Variants in ANK2 observed in about 807,000 individuals in gnomAD.
ANK2 encodes ankyrin 2.
Under a neutral mutation model 360.5 loss-of-function variants are expected in ANK2, and 83 were observed. That is an observed-to-expected ratio of 0.23 (90% CI 0.19 to 0.28). The LOEUF (loss-of-function observed/expected upper bound fraction) is 0.28. Among genes scored for constraint, ANK2 ranks in the 10% least tolerant of loss-of-function variants. The probability of loss-of-function intolerance (pLI) is 1.00; values close to 1 mark genes in which losing one functional copy is unlikely to be tolerated. For missense variants in ANK2, 4,201 were observed against 4,795.7 expected (o/e 0.88, Z 3.66); for synonymous variants, 1,740 against 1,759.5 (o/e 0.99, Z 0.28).
chr4:112,958,845 A>ATTTCGT (rs1561288445), intron 2 of ANK2, among the ~76,000 whole-genome samples: 3 of 149,906 alleles, frequency 2.0e-5, no homozygotes, highest in African/African-American at 7.4e-5. Context: ...ACAAGAGAAG[A>ATTTCGT]TTTCTTTTTC....
At chr4:112,941,324 A>G (rs914214770) in intron 2 of ANK2, among the ~76,000 whole-genome samples, 1 of 146,902 alleles carries the variant, frequency 6.8e-6, no homozygotes. Flanking sequence ...TAAAAGATAT[A>G]TAAATATACT....
chr4:112,840,502 T>C (rs559365510), intron 1 of ANK2, among the ~76,000 whole-genome samples: 1 of 152,160 alleles, frequency 6.6e-6, no homozygotes, highest in South Asian at 2.1e-4. Context: ...CTGGGTTAGG[T>C]TGGGAGTGCT....
intron 40 of ANK2, among the ~76,000 whole-genome samples, chr4:113,364,337 A>G (rs1720850132): frequency 1.3e-5 from 2 of 152,204 alleles, no homozygotes; most frequent in African/African-American, 4.8e-5. Flanking sequence ...GAATCTATCA[A>G]TGATGTTGAG....
Position 113,183,665 on chromosome 4 carries a change from A to G in ANK2, c.186+9148A>G, listed in dbSNP as rs113508845. Among the ~76,000 whole-genome samples the G allele has an allele frequency of 1.5e-3, 235 of 152,210 alleles. 1 individual carries two copies. Among genetic ancestry groups the G allele is most frequent in the African/African-American group, 5.3e-3 (220 of 41,522 alleles). On this transcript the variant is annotated intron_variant, in intron 2 of 45. Transcript: ENST00000357077. ...TAGCAAGAGAGTAAGTGCTGTTCAG[A>G]GGGTTGGATGCTTAAAATTGAAATA...
At chr4:113,086,261 T>G (rs2084701992) in intron 1 of ANK2, among the ~76,000 whole-genome samples, 1 of 152,236 alleles carries the variant, frequency 6.6e-6, no homozygotes, top group Admixed American at 6.5e-5. Context: ...CACTCACATC[T>G]GCAAGATTCC....
At chr4:112,755,831 T>G in the ANK2 span, 1 of 156,588 alleles carries the variant, frequency 6.4e-6, no homozygotes, top group Admixed American at 6.5e-5. Context: ...GCAAGTCAAG[T>G]GAAGCAGTGG....
intron 2 of ANK2, among the ~76,000 whole-genome samples, chr4:113,002,882 C>T (rs1488909873): frequency 6.6e-6 from 1 of 152,192 alleles, no homozygotes; most frequent in African/African-American, 2.4e-5. Context: ...CACCAAATCA[C>T]CTCTTTCTCT....
At chr4:113,259,130 C>CGGATTT (rs2051154019) in intron 13 of ANK2, among the ~76,000 whole-genome samples, 1 of 152,144 alleles carries the variant, frequency 6.6e-6, no homozygotes, top group East Asian at 1.9e-4. Context: ...TTGTATATCT[C>CGGATTT]TCATTTTCTT....
chr4:112,793,251 A>G, the ANK2 span, among the ~76,000 whole-genome samples: 2 of 152,198 alleles, frequency 1.3e-5, no homozygotes, highest in East Asian at 3.8e-4. Context: ...TTAGATTGCT[A>G]CATGCACCTA....
At chr4:113,102,920 G>A (rs1171875896) in intron 1 of ANK2, among the ~76,000 whole-genome samples, 2 of 151,926 alleles carry the variant, frequency 1.3e-5, no homozygotes, top group Non-Finnish European at 2.9e-5. Context: ...TCCTCACTTT[G>A]GGCCAATAGA....
chr4:113,196,522 A>T, intron 3 of ANK2, 56 bp downstream of exon 3: 1 of 1,417,552 alleles, frequency 7.1e-7, no homozygotes, highest in Non-Finnish European at 9.8e-7. Context: ...AATAATTTAA[A>T]GCTTTTCATT....
intron 2 of ANK2, among the ~76,000 whole-genome samples, chr4:112,986,858 C>G (rs757572147): frequency 6.6e-6 from 1 of 152,184 alleles, no homozygotes; most frequent in Admixed American, 6.5e-5. Context: ...TCTATGTTCA[C>G]ATTTCACTTA....
chr4:112,850,716 C>G (rs914261909), intron 1 of ANK2, among the ~76,000 whole-genome samples: 3 of 151,088 alleles, frequency 2.0e-5, no homozygotes, highest in Non-Finnish European at 4.4e-5. Context: ...CGGGATTTCA[C>G]CGTGTTAGCC....
At chr4:112,985,053 T>C (rs1267436041) in intron 2 of ANK2, among the ~76,000 whole-genome samples, 1 of 152,236 alleles carries the variant, frequency 6.6e-6, no homozygotes, top group East Asian at 1.9e-4. Flanking sequence ...AACTCTTATG[T>C]AGCTTACTTT....
intron 1 of ANK2, among the ~76,000 whole-genome samples, chr4:113,161,218 T>C (rs2097523696): frequency 6.6e-6 from 1 of 152,258 alleles, no homozygotes; most frequent in Admixed American, 6.5e-5. Context: ...GAATTTGTTT[T>C]GAAAGCTGCC....
intron 1 of ANK2, among the ~76,000 whole-genome samples, chr4:112,876,805 A>C (rs2075257581): frequency 6.6e-6 from 1 of 152,176 alleles, no homozygotes; most frequent in Non-Finnish European, 1.5e-5. Flanking sequence ...TACTATTCTA[A>C]TATTCATTTT....
At chr4:113,113,444 G>A (rs908172584) in intron 1 of ANK2, among the ~76,000 whole-genome samples, 1 of 152,164 alleles carries the variant, frequency 6.6e-6, no homozygotes, top group African/African-American at 2.4e-5. Flanking sequence ...GATCAATGGA[G>A]TGCTGGACAG....
chr4:113,317,500 T>C, intron 24 of ANK2: 1 of 608,280 alleles, frequency 1.6e-6, no homozygotes. Flanking sequence ...CTTGTGCTCT[T>C]GCCATTGAGC....
chr4:113,291,992 G>C (rs1003393518), intron 20 of ANK2, among the ~76,000 whole-genome samples: 4 of 152,132 alleles, frequency 2.6e-5, no homozygotes, highest in Non-Finnish European at 5.9e-5. Context: ...ATGACCCTCT[G>C]CAACCTTCAG....
Sources: allele counts gnomAD v4.1 joint callset (sites outside exome capture counted in the v4.1 genomes callset), GRCh38; gene constraint gnomAD v4.1.1; transcripts MANE v1.5; gene names NCBI Gene and HGNC (gene_info 2026-07-23, HGNC 2026-07-21).